Variants in PTOV1 observed in about 807,000 individuals in gnomAD.
PTOV1 encodes the protein prostate tumor-overexpressed gene 1 protein.
In PTOV1, 20 loss-of-function variants were observed where a neutral mutation model predicts 58.0. That is an observed-to-expected ratio of 0.34 (90% CI 0.24 to 0.50). The LOEUF (loss-of-function observed/expected upper bound fraction) is 0.50. PTOV1 is among the 20% of genes least tolerant of loss of function. The probability of loss-of-function intolerance (pLI) is 0.98; values close to 1 mark genes in which losing one functional copy is unlikely to be tolerated. For synonymous variants in PTOV1, 335 were observed against 234.2 expected, an observed-to-expected ratio of 1.43 and a Z score of -3.93; for missense variants, 593 against 565.4, an observed-to-expected ratio of 1.05 and a Z score of -0.50.
upstream of PTOV1, chr19:49,850,888 C>T (rs2074212459): frequency 4.6e-6 from 7 of 1,535,710 alleles, no homozygotes; most frequent in African/African-American, 8.2e-5. Context: ...CGGATGAGGT[C>T]TCCCGCCGTC....
chr19:49,854,450 C>A, exon 2 of PTOV1: 1 of 1,612,232 alleles, frequency 6.2e-7, no homozygotes, highest in South Asian at 1.1e-5. Context: ...TCGGTCCCTC[C>A]TCACCTGGGC....
chr19:49,860,477 G>C (rs367843481), exon 12 of PTOV1: 6 of 819,536 alleles, frequency 7.3e-6, no homozygotes, highest in Middle Eastern at 3.7e-4. Context: ...CTAGGCTGTC[G>C]GGAAACTGCA....
intron 1 of PTOV1, chr19:49,851,703 G>A: frequency 1.7e-6 from 2 of 1,153,304 alleles, no homozygotes; most frequent in Non-Finnish European, 1.1e-6. Flanking sequence ...TTCGGGCCGG[G>A]GTGGGGGGTT....
chr19:49,858,048 G>A lies in PTOV1; in HGVS notation c.879-9G>A. On this transcript the variant is annotated splice_polypyrimidine_tract_variant and intron_variant, in intron 8 of 11. Transcript: ENST00000391842. The stretch of plus-strand genomic sequence containing the variant: ...GGCTTCCTGACCCTCGTCCCTTTGT[G>A]CCCCACAGGAGGACCGAGCAGTGGC... 1 of 1,614,086 alleles carries A rather than the reference G, an allele frequency of 6.2e-7. No individual in the cohort carries two copies. The highest frequency in any genetic ancestry group is 8.5e-7 in the Non-Finnish European group (1 of 1,179,996).
intron 6 of PTOV1, chr19:49,857,341 T>C: frequency 1.4e-6 from 1 of 691,916 alleles, no homozygotes; most frequent in Non-Finnish European, 2.4e-6. Context: ...GGGTGGGTCT[T>C]GGCGCGGCGG....
rs776059497 is a variant in PTOV1, at chr19:49,851,448, C to T, written c.120C>T (p.Ser40=). The T allele has an allele frequency of 5.0e-5, 61 of 1,220,194 alleles. No individual in the cohort carries two copies. The South Asian group carries it at 2.0e-3, about 39-fold the overall frequency. The allele number at this position is 1,220,194 out of a possible 1,614,324, so 75.6% of individuals were successfully genotyped here. A position where few individuals can be genotyped will look rare whatever the true frequency, so the allele number is the denominator to read the frequency against. ...TCCGCTCGCGCTCCTGGCCTGCCAG[C>T]CCCCGAGGCCCGCAGCCTCCGCGGA... The change falls in exon 1 of 12, where the codon AGC becomes AGT. Residue 40 remains serine (S), a synonymous_variant. Coordinates refer to ENST00000391842, the Ensembl canonical transcript of PTOV1.
chr19:49,855,185 G>C (rs997670774), intron 5 of PTOV1, 108 bp downstream of exon 5: 58 of 1,125,116 alleles, frequency 5.2e-5, no homozygotes, highest in Non-Finnish European at 7.1e-5. Flanking sequence ...CTGGGGCCGA[G>C]GGTAGCCCTC....
exon 11 of PTOV1, chr19:49,860,127 G>A: frequency 6.2e-7 from 1 of 1,614,192 alleles, no homozygotes; most frequent in Admixed American, 1.7e-5. Flanking sequence ...GCGTGTCATT[G>A]CCAACCAGCA....
At chr19:49,856,715 G>C (rs2074483570) in intron 5 of PTOV1, 2 of 486,910 alleles carry the variant, frequency 4.1e-6, no homozygotes, top group East Asian at 7.0e-5. Context: ...ATGTGGGTGG[G>C]AGGTAGTGCC....
exon 1 of PTOV1, chr19:49,851,339 C>T (rs1335356162): frequency 1.2e-4 from 133 of 1,081,618 alleles, no homozygotes; most frequent in Non-Finnish European, 1.4e-4. Flanking sequence ...ATGGTCCGTC[C>T]GCGCCGTGCC....
At chr19:49,852,598 G>A in intron 1 of PTOV1, 1 of 152,188 alleles carries the variant, frequency 6.6e-6, no homozygotes, top group East Asian at 1.9e-4. Flanking sequence ...CCATCTTGAT[G>A]TGCTGCTCCT....
At chr19:49,856,096 G>A (rs766256424) in intron 5 of PTOV1, 1 of 152,238 alleles carries the variant, frequency 6.6e-6, no homozygotes, top group Non-Finnish European at 1.5e-5. Context: ...TCCCTCAGGA[G>A]ACCAGGGGCA....
At chr19:49,854,679 G>A (rs1282934288) in exon 3 of PTOV1, 19 of 1,613,344 alleles carry the variant, frequency 1.2e-5, no homozygotes, top group Non-Finnish European at 1.4e-5. Context: ...TGACTCCACT[G>A]CAAAGCTGAA....
exon 10 of PTOV1, chr19:49,858,595 A>T (rs753221545): frequency 3.1e-6 from 5 of 1,606,824 alleles, no homozygotes; most frequent in Non-Finnish European, 3.4e-6. Flanking sequence ...GTCCAGTTCC[A>T]CTTCACCAAG....
rs934804691 is a variant in PTOV1 at position 49,857,279 on chromosome 19, C to A, written c.714+149C>A. ...GAGCCCGGAGGATGCCGGGCGGGTT[C>A]CCACCAGGGCTCCATGGAAAAGCGG... On this transcript the variant is annotated intron_variant, in intron 6 of 11. Coordinates refer to ENST00000391842, the Ensembl canonical transcript of PTOV1. 3.6e-5 allele frequency: 41 copies of A among 1,126,722 alleles called. No homozygotes were observed. In the African/African-American group the frequency reaches 5.6e-4, roughly 15 times the overall value. The allele number at this position is 1,126,722 out of a possible 1,614,324, so 69.8% of individuals were successfully genotyped here.
intron 1 of PTOV1, chr19:49,852,255 G>A (rs1173285893): frequency 1.0e-5 from 2 of 198,530 alleles, no homozygotes; most frequent in African/African-American, 2.4e-5. Context: ...TCAGCGGTGT[G>A]GATGGCACAG....
chr19:49,851,218 A>G, exon 1 of PTOV1: 1 of 1,164,954 alleles, frequency 8.6e-7, no homozygotes, highest in Non-Finnish European at 1.1e-6. Flanking sequence ...GGTACGGCTC[A>G]GCCCGTCTCC....
exon 1 of PTOV1, chr19:49,851,221 C>T (rs2074229809): frequency 6.9e-6 from 8 of 1,159,850 alleles, no homozygotes; most frequent in Non-Finnish European, 8.5e-6. Flanking sequence ...ACGGCTCAGC[C>T]CGTCTCCCCC....
chr19:49,854,690 G>A, exon 3 of PTOV1: 1 of 1,613,466 alleles, frequency 6.2e-7, no homozygotes, highest in Admixed American at 1.7e-5. Context: ...CAAAGCTGAA[G>A]CGGACCCTGC....
Sources: gnomAD v4.1 joint callset for allele counts on GRCh38, gnomAD v4.1.1 for gene constraint, MANE v1.5 for transcripts, NCBI Gene and HGNC (gene_info 2026-07-23, HGNC 2026-07-21) for gene names.